Variants in TNNT2 observed in about 807,000 individuals in gnomAD.
The protein encoded by TNNT2 is troponin T2, cardiac type.
TNNT2 carries 34 observed loss-of-function variants against 62.4 expected under a neutral mutation model. The observed-to-expected ratio is 0.54, with a 90% CI of 0.41 to 0.72. TNNT2 has a LOEUF of 0.72. TNNT2 is among the 30% of genes least tolerant of loss of function. TNNT2 has a pLI of 0.00. For missense variants in TNNT2, 275 were observed against 381.9 expected, an observed-to-expected ratio of 0.72 and a Z score of 2.33; for synonymous variants, 123 against 127.2, an observed-to-expected ratio of 0.97 and a Z score of 0.22.
At chr1:201,368,118 C>T (rs768621722) in intron 6 of TNNT2, 44 bp downstream of exon 6, 2 of 1,599,648 alleles carry the variant, frequency 1.3e-6, no homozygotes, top group African/African-American at 1.3e-5. Flanking sequence ...TCCAGGGGCT[C>T]TCGCCACCCC....
intron 1 of TNNT2, 62 bp downstream of exon 1, chr1:201,377,561 C>A: frequency 2.2e-6 from 1 of 456,312 alleles, no homozygotes. Context: ...GGGCCCAAGA[C>A]CCTCACATCT....
intron 1 of TNNT2, among the ~76,000 whole-genome samples, chr1:201,376,496 G>A (rs774960105): frequency 6.6e-6 from 1 of 152,138 alleles, no homozygotes; most frequent in Non-Finnish European, 1.5e-5. Flanking sequence ...GGAGAGCGGG[G>A]GTAAGGGGAT....
chr1:201,362,547 G>C (rs1225268441), intron 12 of TNNT2, among the ~76,000 whole-genome samples, 153 bp from the exon 13 acceptor site: 1 of 152,168 alleles, frequency 6.6e-6, no homozygotes, highest in Non-Finnish European at 1.5e-5. Flanking sequence ...TAGGACGTGG[G>C]TCTGAGGGTT....
chr1:201,362,127 G>C, intron 13 of TNNT2, 105 bp from the exon 14 acceptor site: 1 of 1,327,538 alleles, frequency 7.5e-7, no homozygotes, highest in South Asian at 1.2e-5. Flanking sequence ...AGGAGGGCCA[G>C]GTTCTTATGC....
chr1:201,361,431 C>T (rs1658611947), intron 14 of TNNT2, 62 bp from the exon 15 acceptor site: 2 of 1,465,526 alleles, frequency 1.4e-6, no homozygotes, highest in Non-Finnish European at 1.9e-6. Context: ...GGGCCTCCGT[C>T]CTGGTCCCGG....
chr1:201,372,103 A>G (rs1660704158), intron 3 of TNNT2, 42 bp downstream of exon 3: 3 of 1,614,146 alleles, frequency 1.9e-6, no homozygotes, highest in Non-Finnish European at 1.7e-6. Flanking sequence ...GTTTCGAACC[A>G]GGCTGTCTTT....
rs775845197 is a variant in TNNT2 at position 201,372,100 on chromosome 1, A to G, written c.52+45T>C. On this transcript the variant is annotated intron_variant, in intron 3 of 16. Transcript: ENST00000656932. ...GAGAGAAGAGGTGGGTCAGTTTCGAACCAGGCTGTCTTTGATCCAAATGAG... is the reference window on the plus strand; with the variant it reads ...GAGAGAAGAGGTGGGTCAGTTTCGAGCCAGGCTGTCTTTGATCCAAATGAG... 8.7e-6 allele frequency: 14 copies of G among 1,614,040 alleles called. No individual in the cohort carries two copies. The African/African-American group carries it at 1.6e-4, about 18-fold the overall frequency.
rs1659899756 is a variant in TNNT2 at position 201,367,667 on chromosome 1, A to T, written c.199+104T>A. On this transcript the variant is annotated intron_variant, in intron 7 of 16. Transcript: ENST00000656932. Reference sequence around the variant, plus strand: ...GTCCTCTCCTCTCCCAAACCCTCTCAGTGCACATCCACTTCCCTGGAAAGA... The same window carrying T: ...GTCCTCTCCTCTCCCAAACCCTCTCTGTGCACATCCACTTCCCTGGAAAGA... 19 of 1,286,554 alleles carry T rather than the reference A, an allele frequency of 1.5e-5. No individual in the cohort carries two copies. In the South Asian group the frequency reaches 2.0e-4, roughly 14 times the overall value. The allele number at this position is 1,286,554 out of a possible 1,614,324, so 79.7% of individuals were successfully genotyped here.
In TNNT2 at chr1:201,372,175, C is replaced by T. The variant is rs45561443; in HGVS notation, c.42-20G>A. On this transcript the variant is annotated intron_variant, in intron 2 of 16. Coordinates refer to ENST00000656932, the MANE Select transcript of TNNT2 (RefSeq NM_001276345.2). Reference sequence around the variant, plus strand: ...TGCTCCCTGAGAGCAACAGGAAACACTGTCAGTAGCTCGCACACAAGCACA... The same window carrying T: ...TGCTCCCTGAGAGCAACAGGAAACATTGTCAGTAGCTCGCACACAAGCACA... 2.0e-3 allele frequency: 3,298 copies of T among 1,614,142 alleles called. 66 individuals are homozygous for T. The African/African-American group carries it at 0.04, about 20-fold the overall frequency.
At chr1:201,365,403 C>T (rs1236410752) in intron 9 of TNNT2, 96 bp from the exon 10 acceptor site, 1 of 1,283,782 alleles carries the variant, frequency 7.8e-7, no homozygotes, top group South Asian at 1.2e-5. Flanking sequence ...TGCAAAAGAC[C>T]TCTGGCAGGG....
intron 1 of TNNT2, chr1:201,373,708 G>T: frequency 7.8e-6 from 2 of 255,580 alleles, no homozygotes; most frequent in Non-Finnish European, 7.7e-6. Flanking sequence ...TGAGTTGCTG[G>T]GACTATAGTT....
chr1:201,366,680 C>A (rs377188760), intron 8 of TNNT2, 158 bp downstream of exon 8: 1 of 1,551,674 alleles, frequency 6.4e-7, no homozygotes, highest in African/African-American at 1.4e-5. Context: ...TAGGAAGAGA[C>A]GCTTGTGCAG....
chr1:201,361,257 C>A (rs577402700), intron 15 of TNNT2, 22 bp downstream of exon 15: 1 of 1,610,666 alleles, frequency 6.2e-7, no homozygotes, highest in Non-Finnish European at 8.5e-7. Context: ...AGATGCTGGG[C>A]GGGGACAGCA....
chr1:201,360,134 C>T (rs575912091), intron 15 of TNNT2, among the ~76,000 whole-genome samples: 8 of 152,196 alleles, frequency 5.3e-5, no homozygotes, highest in South Asian at 2.1e-4. Flanking sequence ...TCCTGTTGGC[C>T]GGTGCAGAGT....
rs377554250 is a variant in TNNT2 at position 201,361,769 on chromosome 1, A to G, written c.719+144T>C. 185 of 807,806 alleles carry G rather than the reference A, an allele frequency of 2.3e-4. 4 individuals are homozygous for G. In the African/African-American group the frequency reaches 2.5e-3, roughly 11 times the overall value. 50.0% of individuals were successfully genotyped at this position (807,806 alleles called of 1,614,324 possible). A position where few individuals can be genotyped will look rare whatever the true frequency, so the allele number is the denominator to read the frequency against. On this transcript the variant is annotated intron_variant, in intron 14 of 16. Coordinates refer to ENST00000656932, the MANE Select transcript of TNNT2 (RefSeq NM_001276345.2). ...GAGTTGGCCCGACCTGCTGGGGCCC[A>G]GCTCTGGTCCCACCAAACTTGCCAT...
Position 201,369,916 on chromosome 1 carries a change from G to A in TNNT2, c.68-71C>T, listed in dbSNP as rs45584633. 151,752 of 1,571,536 alleles carry A rather than the reference G, an allele frequency of 0.097. 7,691 individuals are homozygous for A. Among genetic ancestry groups the A allele is most frequent in the Non-Finnish European group, 0.1 (119,728 of 1,142,192 alleles). On this transcript the variant is annotated intron_variant, in intron 4 of 16. Transcript: ENST00000656932. ...GTTAGTCTGGGAGCAGAGAGCCCGC[G>A]GCAGGAGCAGCCACCCAGCGCAGTG...
At chr1:201,374,119 T>C (rs1661048341) in intron 1 of TNNT2, 2 of 152,302 alleles carry the variant, frequency 1.3e-5, no homozygotes, top group South Asian at 2.1e-4. Flanking sequence ...AATAAGATCA[T>C]AGATTGATTG....
At chr1:201,359,729 T>C in intron 15 of TNNT2, 66 bp from the exon 16 acceptor site, 1 of 1,430,420 alleles carries the variant, frequency 7.0e-7, no homozygotes, top group Admixed American at 1.9e-5. Flanking sequence ...CCAGGTGGCC[T>C]GGGGATGGGG....
chr1:201,371,705 G>T (rs1660629848), intron 4 of TNNT2, among the ~76,000 whole-genome samples: 2 of 152,028 alleles, frequency 1.3e-5, no homozygotes, highest in African/African-American at 4.8e-5. Flanking sequence ...GGCAGGGGGG[G>T]CCATTATTAT....
Sources: gnomAD v4.1 joint callset for allele counts (sites outside exome capture counted in the v4.1 genomes callset) on GRCh38, gnomAD v4.1.1 for gene constraint, MANE v1.5 for transcripts, NCBI Gene and HGNC (gene_info 2026-07-23, HGNC 2026-07-21) for gene names.